Variants in IRAK2 observed in about 807,000 individuals in gnomAD.
The protein encoded by IRAK2 is interleukin 1 receptor associated kinase 2, also known as interleukin-1 receptor-associated kinase-like 2.
In IRAK2, 57 loss-of-function variants were observed where a neutral mutation model predicts 72.0. That is an observed-to-expected ratio of 0.79 (90% CI 0.64 to 0.99). The LOEUF (loss-of-function observed/expected upper bound fraction) is 0.99, where lower values mean the gene tolerates loss of function less well. Ranked by LOEUF, IRAK2 falls within the 50% of genes least tolerant of loss-of-function variation. The pLI, the probability that IRAK2 is intolerant of heterozygous loss-of-function variation, is 0.00. For missense variants in IRAK2, 790 were observed against 794.4 expected, an observed-to-expected ratio of 0.99 and a Z score of 0.07; for synonymous variants, 293 against 312.7, an observed-to-expected ratio of 0.94 and a Z score of 0.67.
At chr3:10,165,338 A>G (rs1031734715) in intron 1 of IRAK2, among the ~76,000 whole-genome samples, 37 of 152,200 alleles carry the variant, frequency 2.4e-4, no homozygotes, top group East Asian at 7.7e-4. Flanking sequence ...TGGCTCGGTG[A>G]CGTCCCCAGG....
At chr3:10,237,988 T>TG (rs1559454752) in intron 11 of IRAK2, among the ~76,000 whole-genome samples, 1 of 148,254 alleles carries the variant, frequency 6.7e-6, no homozygotes, top group Non-Finnish European at 1.5e-5. Context: ...ATTCCTTCCT[T>TG]GCTTCCGTCT....
In IRAK2 at chr3:10,242,682, C is replaced by G. The variant is rs1184270789; in HGVS notation, c.*454C>G. On this transcript the variant is annotated 3_prime_UTR_variant, in exon 13 of 13. Coordinates refer to ENST00000256458, the MANE Select transcript of IRAK2 (RefSeq NM_001570.4). Reference sequence around the variant, plus strand: ...TGCTGACAGCCTGCAAGCTTGCATGCTCTGAAAGATTTTTTTTAGTTTTTA... The same window carrying G: ...TGCTGACAGCCTGCAAGCTTGCATGGTCTGAAAGATTTTTTTTAGTTTTTA... 1 of 152,322 alleles carries G rather than the reference C, an allele frequency of 6.6e-6. No individual in the cohort carries two copies. Among genetic ancestry groups the G allele is most frequent in the Non-Finnish European group, 1.5e-5 (1 of 68,132 alleles). 9.4% of individuals were successfully genotyped at this position (152,322 alleles called of 1,614,324 possible).
At chr3:10,178,551 G>A (rs1696914419) in intron 2 of IRAK2, among the ~76,000 whole-genome samples, 1 of 151,966 alleles carries the variant, frequency 6.6e-6, no homozygotes, top group Admixed American at 6.6e-5. Flanking sequence ...AGTATTGGAG[G>A]GAGACTTTAC....
intron 1 of IRAK2, among the ~76,000 whole-genome samples, chr3:10,167,403 G>A (rs574849459): frequency 2.4e-4 from 36 of 151,620 alleles, no homozygotes; most frequent in East Asian, 1.7e-3. Context: ...TGTAGCATGC[G>A]TCAATACTTA....
At chr3:10,196,907 G>A (rs1697276164) in intron 2 of IRAK2, among the ~76,000 whole-genome samples, 2 of 152,100 alleles carry the variant, frequency 1.3e-5, no homozygotes, top group Admixed American at 6.6e-5. Flanking sequence ...GGAGCCAGAG[G>A]GGTCCCCAGG....
intron 3 of IRAK2, among the ~76,000 whole-genome samples, chr3:10,201,775 C>T (rs951292032): frequency 1.3e-5 from 2 of 152,216 alleles, no homozygotes; most frequent in South Asian, 2.1e-4. Flanking sequence ...CTGCGGCCTC[C>T]TGAGTGGTGA....
intron 2 of IRAK2, among the ~76,000 whole-genome samples, chr3:10,199,838 C>T (rs908387646): frequency 7.3e-5 from 11 of 150,510 alleles, no homozygotes; most frequent in Admixed American, 2.6e-4. Flanking sequence ...TGACTTAGCA[C>T]GTCAGAGCTC....
chr3:10,221,895 C>A (rs749670607), intron 8 of IRAK2, among the ~76,000 whole-genome samples: 2 of 151,740 alleles, frequency 1.3e-5, no homozygotes, highest in Non-Finnish European at 2.9e-5. Flanking sequence ...AGTGTTTGCT[C>A]CTGGGGGTTA....
intron 1 of IRAK2, among the ~76,000 whole-genome samples, chr3:10,167,195 T>C (rs746119998): frequency 6.6e-6 from 1 of 152,208 alleles, no homozygotes; most frequent in Non-Finnish European, 1.5e-5. Flanking sequence ...CAGGGCTGTG[T>C]ATCCATCTTC....
intron 12 of IRAK2, 131 bp downstream of exon 12, chr3:10,239,170 T>A: frequency 1.2e-6 from 1 of 845,116 alleles, no homozygotes; most frequent in Non-Finnish European, 1.8e-6. Flanking sequence ...CCAGCCAGTT[T>A]TTCACAGAGA....
intron 2 of IRAK2, among the ~76,000 whole-genome samples, chr3:10,199,926 C>T (rs1041256401): frequency 5.0e-5 from 7 of 140,906 alleles, no homozygotes; most frequent in Non-Finnish European, 7.5e-5. Context: ...CTTGCTCTGT[C>T]GCTCAGGCTG....
In IRAK2 at chr3:10,222,736, ACT is replaced by A. The variant is rs1484991442; in HGVS notation, c.1116_1117del (p.His373ProfsTer44). ...AAGGTCAAAATACACCATGATGAAG[ACT>A]CACCTGCTCCGGACGTCAGCCGCGT... The part of the protein sequence containing the change: ...NKRSKYTMMK[T>X]HLLRTSAAYL... On this transcript the variant is annotated frameshift_variant, in exon 9 of 13. Coordinates refer to ENST00000256458, the MANE Select transcript of IRAK2 (RefSeq NM_001570.4). LOFTEE classifies it high-confidence loss of function. 1 of 1,613,952 alleles carries A rather than the reference ACT, an allele frequency of 6.2e-7. No homozygotes were observed. Among genetic ancestry groups the A allele is most frequent in the Non-Finnish European group, 8.5e-7 (1 of 1,180,004 alleles).
chr3:10,220,454 T>C (rs1221812125), intron 8 of IRAK2, among the ~76,000 whole-genome samples: 1 of 152,068 alleles, frequency 6.6e-6, no homozygotes, highest in Non-Finnish European at 1.5e-5. Context: ...TTTTTTTTTG[T>C]TTTTTGAGAC....
In IRAK2 at chr3:10,222,646, T is replaced by A. The variant is rs747183482; in HGVS notation, c.1024T>A (p.Leu342Met). 1 of 1,614,008 alleles carries A rather than the reference T, an allele frequency of 6.2e-7. No individual in the cohort carries two copies. Among genetic ancestry groups the A allele is most frequent in the South Asian group, 1.1e-5 (1 of 91,070 alleles). The change falls in exon 9 of 13, where the codon TTG becomes ATG. Residue 342 changes from leucine to methionine, a missense_variant. By Grantham distance (15) the Leu-to-Met change is conservative. Transcript: ENST00000256458. ...IHSNVKSSNV[L>M]LDQNLTPKLA... ...CTTTCATTTCCACAGCTCTAATGTC[T>A]TGCTGGACCAAAATCTCACCCCCAA...
intron 1 of IRAK2, among the ~76,000 whole-genome samples, chr3:10,174,266 T>G (rs2619508): frequency 0.47 from 71,033 of 151,966 alleles, 17,978 homozygotes; most frequent in Non-Finnish European, 0.57. Flanking sequence ...CCATCTTAAT[T>G]GGGCACTTCT....
In IRAK2 at chr3:10,221,174, C is replaced by T. The variant is rs564337551; in HGVS notation, c.1013+1385C>T. On this transcript the variant is annotated intron_variant, in intron 8 of 12. Coordinates refer to ENST00000256458, the MANE Select transcript of IRAK2 (RefSeq NM_001570.4). ...TTGGGTGGCCAAGGCGGGCAGATCA[C>T]GAGGTCAAGAGATCGAGACCATCCT... Among the ~76,000 whole-genome samples, 161 of 149,244 alleles carry T rather than the reference C, an allele frequency of 1.1e-3. 1 individual carries two copies. Among genetic ancestry groups the T allele is most frequent in the African/African-American group, 3.9e-3 (157 of 40,524 alleles).
At chr3:10,234,850 T>C (rs1344682671) in intron 11 of IRAK2, among the ~76,000 whole-genome samples, 191 bp downstream of exon 11, 2 of 152,200 alleles carry the variant, frequency 1.3e-5, no homozygotes, top group East Asian at 1.9e-4. Flanking sequence ...GGACGGGTAT[T>C]GCAGGGCCTC....
At chr3:10,168,750 C>T (rs539793062) in intron 1 of IRAK2, among the ~76,000 whole-genome samples, 5 of 152,178 alleles carry the variant, frequency 3.3e-5, no homozygotes, top group African/African-American at 1.2e-4. Flanking sequence ...CCTCTCTGAC[C>T]TCCTCTTCTT....
chr3:10,177,458 C>A (rs1696893741), intron 1 of IRAK2, among the ~76,000 whole-genome samples: 1 of 152,160 alleles, frequency 6.6e-6, no homozygotes, highest in African/African-American at 2.4e-5. Context: ...GGGGAAGTAA[C>A]AGTGAACCAA....
Sources: allele counts gnomAD v4.1 joint callset (sites outside exome capture counted in the v4.1 genomes callset), GRCh38; gene constraint gnomAD v4.1.1; transcripts MANE v1.5; gene names NCBI Gene and HGNC (gene_info 2026-07-23, HGNC 2026-07-21).